The following NOVA2 variants were observed in gnomAD, a reference collection of about 807,000 sequenced individuals.
The protein encoded by NOVA2 is NOVA alternative splicing regulator 2, also known as RNA-binding protein Nova-2.
A neutral mutation model predicts 22.5 loss-of-function variants in NOVA2; 9 were observed. The observed-to-expected ratio is 0.40, with a 90% CI of 0.24 to 0.70. The LOEUF (loss-of-function observed/expected upper bound fraction) is 0.70. NOVA2 is among the 30% of genes least tolerant of loss of function. The pLI is 0.38. For missense variants in NOVA2, 383 were observed against 682.8 expected, an observed-to-expected ratio of 0.56 and a Z score of 4.89; for synonymous variants, 318 against 335.2, an observed-to-expected ratio of 0.95 and a Z score of 0.56.
In NOVA2 at chr19:45,937,985, A is replaced by G. The variant is rs1028677977; in HGVS notation, c.*1878T>C. 3 of 152,118 alleles carry G rather than the reference A, an allele frequency of 2.0e-5. No individual in the cohort carries two copies. The highest frequency in any genetic ancestry group is 7.2e-5 in the African/African-American group (3 of 41,406). The allele number at this position is 152,118 out of a possible 1,614,324, so 9.4% of individuals were successfully genotyped here. Reference sequence around the variant, plus strand: ...ATTTCCCCCAAAGTCATAGAGAAGAAAAGGGTTTGGAAGACCTAGGAGGCG... The same window carrying G: ...ATTTCCCCCAAAGTCATAGAGAAGAGAAGGGTTTGGAAGACCTAGGAGGCG... On this transcript the variant is annotated 3_prime_UTR_variant, in exon 4 of 4. Coordinates refer to ENST00000263257, the MANE Select transcript of NOVA2 (RefSeq NM_002516.4).
At position 45,940,243 on chromosome 19, in the gene NOVA2, C is replaced by G. The variant is rs1412575062; in HGVS notation, c.1099G>C (p.Gly367Arg). 5 of 1,088,410 alleles carry G rather than the reference C, an allele frequency of 4.6e-6. No individual in the cohort carries two copies. The highest frequency in any genetic ancestry group is 5.3e-5 in the Admixed American group (1 of 18,952). 67.4% of individuals were successfully genotyped at this position (1,088,410 alleles called of 1,614,324 possible). A position where few individuals can be genotyped will look rare whatever the true frequency, so the allele number is the denominator to read the frequency against. Residue 367 changes from glycine to arginine, a missense_variant, in exon 4 of 4, where the codon GGG becomes CGG. Around this residue, in one of 2 missense-constraint regions of NOVA2, gnomAD observed 349 missense variants for 578.1 expected, o/e 0.60. Transcript: ENST00000263257. ...ALAAAANGYL[G>R]AGAGGGAGGG... ...CCCGCCCCGCCGCCCGCCCCGGCCC[C>G]GAGGTAGCCGTTGGCGGCTGCGGCC...
Position 45,934,997 on chromosome 19 carries a change from C to CA in NOVA2, c.*4865dup, listed in dbSNP as rs956947059. On this transcript the variant is annotated 3_prime_UTR_variant, in exon 4 of 4. Coordinates refer to ENST00000263257, the MANE Select transcript of NOVA2 (RefSeq NM_002516.4). Reference sequence around the variant, plus strand: ...TGGGATGAACACAGAAAGGGTTAATCAAAAAGAGTTCGATGAGCGAGTCTG... The same window carrying CA: ...TGGGATGAACACAGAAAGGGTTAATCAAAAAAGAGTTCGATGAGCGAGTCTG... 1 of 151,736 alleles carries CA rather than the reference C, an allele frequency of 6.6e-6. No homozygotes were observed. The highest frequency in any genetic ancestry group is 1.5e-5 in the Non-Finnish European group (1 of 67,980). 9.4% of individuals were successfully genotyped at this position (151,736 alleles called of 1,614,324 possible).
At chr19:45,963,165 G>A (rs2095669470) in intron 1 of NOVA2, among the ~76,000 whole-genome samples, 1 of 151,964 alleles carries the variant, frequency 6.6e-6, no homozygotes, top group African/African-American at 2.4e-5. Flanking sequence ...CAGATCACGA[G>A]GTCAAGAGAC....
chr19:45,971,447 G>A (rs1046363730), intron 1 of NOVA2, among the ~76,000 whole-genome samples: 6 of 152,150 alleles, frequency 3.9e-5, no homozygotes, highest in Non-Finnish European at 5.9e-5. Context: ...TGTGCTGGGG[G>A]TGGGGGAGCA....
intron 2 of NOVA2, among the ~76,000 whole-genome samples, chr19:45,957,662 C>T (rs1968024746): frequency 6.6e-6 from 1 of 152,118 alleles, no homozygotes; most frequent in African/African-American, 2.4e-5. Context: ...CACGATCGTG[C>T]CACTGCACTC....
At chr19:45,959,642 C>T (rs1968064474) in intron 2 of NOVA2, among the ~76,000 whole-genome samples, 1 of 151,480 alleles carries the variant, frequency 6.6e-6, no homozygotes, top group African/African-American at 2.4e-5. Context: ...TTTCTCTAAA[C>T]CTCTTGCCAA....
chr19:45,948,163 T>A (rs1209803433), intron 3 of NOVA2, among the ~76,000 whole-genome samples: 2 of 152,096 alleles, frequency 1.3e-5, no homozygotes, highest in Non-Finnish European at 2.9e-5. Flanking sequence ...TACACCTCAG[T>A]CCCTATGTTT....
At chr19:45,948,570 A>T (rs941058012) in intron 3 of NOVA2, among the ~76,000 whole-genome samples, 4 of 149,794 alleles carry the variant, frequency 2.7e-5, no homozygotes, top group Non-Finnish European at 4.4e-5. Flanking sequence ...ATTGCACTCC[A>T]GCCTGGGGGA....
chr19:45,942,617 C>T (rs1054351673), intron 3 of NOVA2, among the ~76,000 whole-genome samples: 12 of 151,968 alleles, frequency 7.9e-5, no homozygotes, highest in African/African-American at 2.4e-4. Context: ...CACAATGGAT[C>T]GGGAACCCAA....
In NOVA2 at chr19:45,938,632, G is replaced by A. The variant is rs576373902; in HGVS notation, c.*1231C>T. On this transcript the variant is annotated 3_prime_UTR_variant, in exon 4 of 4. Transcript: ENST00000263257. ...CATCTCCCACCCCTCCCTCCAGGGC[G>A]AGTTCGCAGACTTGACGTGTTTGAA... The A allele has an allele frequency of 7.2e-5, 11 of 152,444 alleles. No homozygotes were observed. The highest frequency in any genetic ancestry group is 3.9e-4 in the East Asian group (2 of 5,178). 9.4% of individuals were successfully genotyped at this position (152,444 alleles called of 1,614,324 possible).
chr19:45,953,679 G>T, intron 3 of NOVA2, 101 bp downstream of exon 3: 1 of 1,423,054 alleles, frequency 7.0e-7, no homozygotes, highest in Non-Finnish European at 9.8e-7. Context: ...ATTTTTATCA[G>T]CTTTGTCCCA....
rs139056515 is a variant in NOVA2 at position 45,963,942 on chromosome 19, T to G, written c.86-2789A>C. ...GAATCCCCGTTTCATGCCTTCAGAG[T>G]AACTGATCACAGAGGTCCACTGTGG... On this transcript the variant is annotated intron_variant, in intron 1 of 3. Coordinates refer to ENST00000263257, the MANE Select transcript of NOVA2 (RefSeq NM_002516.4). 4.3e-3 allele frequency among the ~76,000 whole-genome samples: 656 copies of G among 152,144 alleles called. 5 individuals are homozygous for G. Among genetic ancestry groups the G allele is most frequent in the African/African-American group, 0.015 (633 of 41,506 alleles).
intron 2 of NOVA2, 59 bp from the exon 3 acceptor site, chr19:45,954,005 G>C: frequency 6.4e-7 from 1 of 1,556,134 alleles, no homozygotes; most frequent in Non-Finnish European, 8.8e-7. Flanking sequence ...ACATTCCTGA[G>C]AGACAGGCCC....
At chr19:45,970,072 C>G (rs1184382904) in intron 1 of NOVA2, among the ~76,000 whole-genome samples, 4 of 152,206 alleles carry the variant, frequency 2.6e-5, no homozygotes, top group African/African-American at 9.7e-5. Context: ...CCTAAGTTCA[C>G]ATCATGGTTC....
chr19:45,968,491 C>CT (rs1194156846), intron 1 of NOVA2, among the ~76,000 whole-genome samples: 1 of 151,810 alleles, frequency 6.6e-6, no homozygotes, highest in Non-Finnish European at 1.5e-5. Flanking sequence ...GTGACGGTCT[C>CT]TAAGTGAAAG....
rs2146406298 is a variant in NOVA2, at chr19:45,940,365, A to C, written c.977T>G (p.Leu326Arg). 7.2e-7 allele frequency: 1 copy of C among 1,388,656 alleles called. No homozygotes were observed. Among genetic ancestry groups the C allele is most frequent in the Non-Finnish European group, 9.4e-7 (1 of 1,063,500 alleles). 86.0% of individuals were successfully genotyped at this position (1,388,656 alleles called of 1,614,324 possible). A position where few individuals can be genotyped will look rare whatever the true frequency, so the allele number is the denominator to read the frequency against. ...GGCCTCGCCCGCGTAGGATGCCAGG[A>C]GGTTGGCGGCGGCGGCGGCTGCTGG... ...ANPAAAAAANLLASYAGEAGA... is the reference protein window; with the variant it reads ...ANPAAAAAANRLASYAGEAGA... Residue 326 changes from leucine to arginine, a missense_variant, in exon 4 of 4, where the codon CTC becomes CGC. Physicochemically the swap from Leu to Arg is moderately radical, Grantham distance 102 (BLOSUM62 -2). Coordinates refer to ENST00000263257, the MANE Select transcript of NOVA2 (RefSeq NM_002516.4).
intron 1 of NOVA2, among the ~76,000 whole-genome samples, chr19:45,971,953 C>T (rs1044144286): frequency 3.3e-5 from 5 of 151,880 alleles, no homozygotes; most frequent in African/African-American, 1.2e-4. Context: ...GAGAGCCCCT[C>T]TCTTCCCTCA....
intron 3 of NOVA2, among the ~76,000 whole-genome samples, chr19:45,949,040 C>T (rs914321675): frequency 3.3e-5 from 5 of 151,948 alleles, no homozygotes; most frequent in Non-Finnish European, 4.4e-5. Flanking sequence ...CACAAAAGAC[C>T]ATATATTATA....
chr19:45,972,913 C>T (rs185345746), intron 1 of NOVA2, among the ~76,000 whole-genome samples: 4 of 152,096 alleles, frequency 2.6e-5, no homozygotes, highest in Non-Finnish European at 4.4e-5. Flanking sequence ...AGCCAGGACA[C>T]GCGAGCTCGG....
Sources: allele counts gnomAD v4.1 joint callset (sites outside exome capture counted in the v4.1 genomes callset), GRCh38; gene constraint gnomAD v4.1.1; regional missense constraint gnomAD v4.1.1; transcripts MANE v1.5; gene names NCBI Gene and HGNC (gene_info 2026-07-23, HGNC 2026-07-21).